The following GUCY2C variants were observed in gnomAD, a reference collection of about 807,000 sequenced individuals.
GUCY2C encodes guanylate cyclase 2C, also known as guanylyl cyclase C.
Under a neutral mutation model 131.1 loss-of-function variants are expected in GUCY2C, and 118 were observed. The observed-to-expected ratio is 0.90, with a 90% confidence interval of 0.78 to 1.05. The LOEUF is 1.05. Among genes scored for constraint, GUCY2C ranks in the 50% least tolerant of loss-of-function variants. The pLI, the probability that GUCY2C is intolerant of heterozygous loss-of-function variation, is 0.00. For missense variants in GUCY2C, 1,161 were observed against 1,304.4 expected (o/e 0.89, Z 1.69); for synonymous variants, 452 against 457.8 (o/e 0.99, Z 0.16).
intron 1 of GUCY2C, among the ~76,000 whole-genome samples, chr12:14,690,838 G>C (rs1321897495): frequency 6.6e-6 from 1 of 152,200 alleles, no homozygotes; most frequent in East Asian, 1.9e-4. Flanking sequence ...ACTGTGCCCA[G>C]CTGCAGGGAT....
chr12:14,651,986 A>C lies in GUCY2C; in HGVS notation c.1578T>G (p.Thr526=), dbSNP rs1451688188. 1.3e-6 allele frequency: 2 copies of C among 1,599,716 alleles called. No individual in the cohort carries two copies. The highest frequency in any genetic ancestry group is 8.6e-7 in the Non-Finnish European group (1 of 1,167,584). The change falls in exon 14 of 27, where the codon ACT becomes ACG. Residue 526 remains threonine (T), a synonymous_variant. Transcript: ENST00000261170. The part of the protein sequence containing the change: ...KDLKHNDGNF[T]EKQKIELNKL... ...TGTTCAATTCTATCTTCTGTTTTTC[A>C]GTGAAATTACCATCATTGTGCTTGA...
At chr12:14,677,094 G>T (rs1948250288) in intron 6 of GUCY2C, 123 bp from the exon 7 acceptor site, 1 of 356,114 alleles carries the variant, frequency 2.8e-6, no homozygotes, top group South Asian at 1.1e-4. Flanking sequence ...TCATTAATCT[G>T]CAAAACTTTC....
At chr12:14,654,083 T>C (rs752599374) in intron 12 of GUCY2C, among the ~76,000 whole-genome samples, 16 of 152,240 alleles carry the variant, frequency 1.1e-4, no homozygotes, top group Non-Finnish European at 1.8e-4. Flanking sequence ...GAAATTCTCT[T>C]GCTAGCTAAA....
chr12:14,689,606 A>G (rs957509329), intron 1 of GUCY2C, among the ~76,000 whole-genome samples: 2 of 152,214 alleles, frequency 1.3e-5, no homozygotes, highest in Non-Finnish European at 2.9e-5. Flanking sequence ...CCAGAGTCCC[A>G]TATGCAGTAA....
intron 9 of GUCY2C, 118 bp downstream of exon 9, chr12:14,672,755 A>G (rs1948140794): frequency 3.0e-6 from 2 of 664,944 alleles, no homozygotes; most frequent in Non-Finnish European, 5.5e-6. Flanking sequence ...GTTGAAATGA[A>G]CTGTCTTCAG....
At chr12:14,687,464 A>G (rs1948493234) in intron 2 of GUCY2C, among the ~76,000 whole-genome samples, 1 of 152,022 alleles carries the variant, frequency 6.6e-6, no homozygotes, top group Non-Finnish European at 1.5e-5. Flanking sequence ...TACAAATAAT[A>G]TAAGAAATTT....
At chr12:14,663,513 C>T (rs1947910905) in intron 10 of GUCY2C, among the ~76,000 whole-genome samples, 1 of 152,216 alleles carries the variant, frequency 6.6e-6, no homozygotes, top group Non-Finnish European at 1.5e-5. Context: ...GAACTCCTGA[C>T]CTCAGGTGAT....
In GUCY2C at chr12:14,656,538, T is replaced by G; in HGVS notation, c.1444A>C (p.Asn482His). The G allele has an allele frequency of 6.3e-7, 1 of 1,593,148 alleles. No homozygotes were observed. The highest frequency in any genetic ancestry group is 8.6e-7 in the Non-Finnish European group (1 of 1,160,978). Residue 482 changes from asparagine (N) to histidine (H), a missense_variant, in exon 12 of 27, where the codon AAT (asparagine) becomes CAT (histidine). Transcript: ENST00000261170. Reference sequence around the variant, plus strand: ...TTGAGGCTAACATGATTGGTCTCATTGGTCTCCAGAGGAAAGATATTTTCA... The same window carrying G: ...TTGAGGCTAACATGATTGGTCTCATGGGTCTCCAGAGGAAAGATATTTTCA... ...PPENIFPLET[N>H]ETNHVSLKID... is the part of the protein sequence containing the mutation.
At chr12:14,654,815 C>G (rs1947730617) in intron 12 of GUCY2C, among the ~76,000 whole-genome samples, 1 of 152,146 alleles carries the variant, frequency 6.6e-6, no homozygotes, top group Admixed American at 6.5e-5. Context: ...GGTGCACACG[C>G]TCCTTCTGAA....
At chr12:14,650,163 T>C (rs544094839) in intron 15 of GUCY2C, among the ~76,000 whole-genome samples, 10 of 152,330 alleles carry the variant, frequency 6.6e-5, no homozygotes, top group African/African-American at 2.4e-4. Context: ...TTTAAAATGA[T>C]TGATATTTAA....
intron 10 of GUCY2C, among the ~76,000 whole-genome samples, chr12:14,669,195 C>CT (rs112294471): frequency 6.7e-6 from 1 of 148,672 alleles, no homozygotes; most frequent in Non-Finnish European, 1.5e-5. Flanking sequence ...TCTTTCTTTC[C>CT]TTTTTTTTCT....
chr12:14,680,736 T>C (rs1166763437), intron 5 of GUCY2C, among the ~76,000 whole-genome samples: 4 of 152,156 alleles, frequency 2.6e-5, no homozygotes, highest in Non-Finnish European at 5.9e-5. Flanking sequence ...AGTTCTTTAG[T>C]GGTGATTTCT....
chr12:14,660,074 A>T (rs1308353514), intron 11 of GUCY2C, among the ~76,000 whole-genome samples: 1 of 152,228 alleles, frequency 6.6e-6, no homozygotes, highest in Non-Finnish European at 1.5e-5. Flanking sequence ...GTGTTGTCAG[A>T]TTGAAGAAAA....
chr12:14,683,276 GA>G lies in GUCY2C; in HGVS notation c.396-20del. 1 of 1,531,632 alleles carries G rather than the reference GA, an allele frequency of 6.5e-7. No homozygotes were observed. The allele number at this position is 1,531,632 out of a possible 1,614,324, so 94.9% of individuals were successfully genotyped here. ...GTCAAGGCTATGTCAAGAGGTTGAGGAAAAAAGCCATTATCAGTATTAACTT... is the reference window on the plus strand; with the variant it reads ...GTCAAGGCTATGTCAAGAGGTTGAGGAAAAAGCCATTATCAGTATTAACTT... On this transcript the variant is annotated intron_variant, in intron 3 of 26. Transcript: ENST00000261170.
chr12:14,619,393 C>A, intron 23 of GUCY2C, 84 bp from the exon 24 acceptor site: 1 of 822,650 alleles, frequency 1.2e-6, no homozygotes, highest in South Asian at 1.4e-5. Context: ...TCTGTATGGT[C>A]ACAATCCTGA....
intron 19 of GUCY2C, among the ~76,000 whole-genome samples, chr12:14,638,886 T>C (rs1055127098): frequency 1.3e-5 from 2 of 152,184 alleles, no homozygotes; most frequent in South Asian, 4.1e-4. Context: ...ATAGAAATGA[T>C]AACTACTTAA....
intron 5 of GUCY2C, 22 bp from the exon 6 acceptor site, chr12:14,679,775 G>A: frequency 1.6e-6 from 2 of 1,244,576 alleles, no homozygotes; most frequent in Non-Finnish European, 2.4e-6. Flanking sequence ...GGTAAGACAA[G>A]GAGAGAAATA....
rs377440815 is a variant in GUCY2C at position 14,622,034 on chromosome 12, G to A, written c.2572C>T (p.His858Tyr). ...MLNDIYKSFDHIVDHHDVYKV... is the reference protein window; with the variant it reads ...MLNDIYKSFDYIVDHHDVYKV... ...TAGACATCATGATGATCAACAATGT[G>A]GTCAAAACTCTTATAGATGTCATTA... Residue 858 changes from histidine to tyrosine, a missense_variant, in exon 22 of 27, where the codon CAC (histidine) becomes TAC (tyrosine). By Grantham distance (83) the His-to-Tyr change is moderately conservative. Transcript: ENST00000261170. 31 of 1,606,356 alleles carry A rather than the reference G, an allele frequency of 1.9e-5. No homozygotes were observed. Among genetic ancestry groups the A allele is most frequent in the African/African-American group, 2.7e-5 (2 of 74,592 alleles).
rs768743873 is a variant in GUCY2C, at chr12:14,616,714, G to A, written c.2889C>T (p.His963=). The change falls in exon 25 of 27, where the codon CAC becomes CAT. Residue 963 remains histidine, a synonymous_variant. Coordinates refer to ENST00000261170, the MANE Select transcript of GUCY2C (RefSeq NM_004963.4). ...GGATGGCTATGGTGGAGCCACTCAC[G>A]TGAATTCTCAAAGCTGGAAATGCAA... is the stretch of plus-strand genomic sequence containing the variant. ...MESTGLPLRI[H]VSGSTIAILK... 2 of 1,598,954 alleles carry A rather than the reference G, an allele frequency of 1.3e-6. No homozygotes were observed. The highest frequency in any genetic ancestry group is 1.1e-5 in the South Asian group (1 of 90,790).
Sources: gnomAD v4.1 joint callset for allele counts (sites outside exome capture counted in the v4.1 genomes callset) on GRCh38, gnomAD v4.1.1 for gene constraint, MANE v1.5 for transcripts, NCBI Gene and HGNC (gene_info 2026-07-23, HGNC 2026-07-21) for gene names.